The following ZBTB46 variants were observed in gnomAD, a reference collection of about 807,000 sequenced individuals.
The protein encoded by ZBTB46 is zinc finger and BTB domain-containing protein 46.
In ZBTB46, 8 loss-of-function variants were observed where a neutral mutation model predicts 44.1. The observed-to-expected ratio is 0.18, with a 90% confidence interval of 0.11 to 0.33. ZBTB46 has a LOEUF of 0.33. ZBTB46 is among the 10% of genes least tolerant of loss of function. ZBTB46 has a pLI of 1.00. For missense variants in ZBTB46, 651 were observed against 847.7 expected (o/e 0.77, Z 2.88); for synonymous variants, 409 against 382.3 (o/e 1.07, Z -0.81).
chr20:63,815,871 GGTCCA>G (rs2092750586), intron 1 of ZBTB46, among the ~76,000 whole-genome samples: 1 of 104,408 alleles, frequency 9.6e-6, no homozygotes, highest in Non-Finnish European at 1.9e-5. Context: ...GGTGGGCGCA[GGTCCA>G]GTGGGTGCAG....
At chr20:63,779,663 G>A (rs1218936764) in intron 2 of ZBTB46, among the ~76,000 whole-genome samples, 1 of 151,330 alleles carries the variant, frequency 6.6e-6, no homozygotes, top group Admixed American at 6.6e-5. Flanking sequence ...CTCGTGATTC[G>A]CCCCCCTCAG....
chr20:63,809,674 A>AAGGCC (rs1409674092), intron 1 of ZBTB46, among the ~76,000 whole-genome samples: 3 of 152,210 alleles, frequency 2.0e-5, no homozygotes, highest in Non-Finnish European at 4.4e-5. Context: ...AAAAGATTTC[A>AAGGCC]AGGCCAGGCC....
chr20:63,794,647 G>A (rs1286881153), intron 1 of ZBTB46, among the ~76,000 whole-genome samples: 4 of 152,186 alleles, frequency 2.6e-5, no homozygotes, highest in African/African-American at 7.2e-5. Context: ...TGCTCGTGGG[G>A]CCACGTCAAC....
At chr20:63,764,639 G>A (rs563553752) in intron 3 of ZBTB46, among the ~76,000 whole-genome samples, 254 of 143,234 alleles carry the variant, frequency 1.8e-3, no homozygotes, top group African/African-American at 6.2e-3. Flanking sequence ...TTTCGCTCTT[G>A]TTGCCCATGC....
At chr20:63,804,913 A>G (rs1465038212) in intron 1 of ZBTB46, among the ~76,000 whole-genome samples, 1 of 147,752 alleles carries the variant, frequency 6.8e-6, no homozygotes, top group African/African-American at 2.5e-5. Context: ...AACAAAAAAA[A>G]CCTACATGAC....
At chr20:63,818,821 G>A (rs1355487205) in intron 1 of ZBTB46, among the ~76,000 whole-genome samples, 1 of 146,936 alleles carries the variant, frequency 6.8e-6, no homozygotes, top group Non-Finnish European at 1.5e-5. Context: ...GCAGTGAGCC[G>A]AGATCGCGCC....
intron 3 of ZBTB46, among the ~76,000 whole-genome samples, chr20:63,766,837 GGGGAT>G (rs1180274059): frequency 6.6e-6 from 1 of 152,254 alleles, no homozygotes; most frequent in Non-Finnish European, 1.5e-5. Context: ...CGTCCGGAAA[GGGGAT>G]GGGCTGTTGG....
At chr20:63,766,673 C>T (rs575736044) in intron 3 of ZBTB46, among the ~76,000 whole-genome samples, 3 of 152,362 alleles carry the variant, frequency 2.0e-5, no homozygotes, top group Admixed American at 6.5e-5. Context: ...GCCAGCAGAG[C>T]GCGGTCACCT....
intron 1 of ZBTB46, among the ~76,000 whole-genome samples, chr20:63,821,183 C>CCT (rs1229375993): frequency 7.4e-6 from 1 of 134,972 alleles, no homozygotes; most frequent in African/African-American, 2.9e-5. Context: ...CTGCGCCCGG[C>CCT]CTTTTTTTTT....
At chr20:63,809,855 C>G (rs1220678999) in intron 1 of ZBTB46, among the ~76,000 whole-genome samples, 1 of 151,724 alleles carries the variant, frequency 6.6e-6, no homozygotes, top group African/African-American at 2.4e-5. Context: ...CCCCGCGACT[C>G]TGGAGGATGA....
At chr20:63,804,140 G>A (rs897242839) in intron 1 of ZBTB46, among the ~76,000 whole-genome samples, 1 of 151,870 alleles carries the variant, frequency 6.6e-6, no homozygotes, top group African/African-American at 2.4e-5. Flanking sequence ...TGAATGGAGG[G>A]GCTTCCACTC....
rs531541956 is a variant in ZBTB46, at chr20:63,768,451, C to T, written c.1222+7227G>A. Among the ~76,000 whole-genome samples, 105 of 152,158 alleles carry T rather than the reference C, an allele frequency of 6.9e-4. 1 individual carries two copies. The South Asian group carries it at 8.1e-3, about 12-fold the overall frequency. On this transcript the variant is annotated intron_variant, in intron 3 of 4. Transcript: ENST00000245663. ...ACTAAAAACACAAAAATTAGCCAGG[C>T]GTGGTGGTGTGCCCAACGGGATACC...
At chr20:63,783,417 G>C (rs1182985320) in intron 2 of ZBTB46, among the ~76,000 whole-genome samples, 1 of 152,230 alleles carries the variant, frequency 6.6e-6, no homozygotes, top group Non-Finnish European at 1.5e-5. Context: ...GACCGAGCGA[G>C]ACTCCGTCTC....
chr20:63,810,449 C>G (rs1458845196), intron 1 of ZBTB46, among the ~76,000 whole-genome samples: 1 of 152,158 alleles, frequency 6.6e-6, no homozygotes, highest in Non-Finnish European at 1.5e-5. Flanking sequence ...AACCCCCCTT[C>G]CCCTCGCAAA....
intron 1 of ZBTB46, among the ~76,000 whole-genome samples, chr20:63,827,596 C>A (rs1314206673): frequency 7.7e-6 from 1 of 129,930 alleles, no homozygotes; most frequent in African/African-American, 3.0e-5. Context: ...GCCTGGGCGA[C>A]AGAGCGAGAC....
rs974566276 is a variant in ZBTB46, at chr20:63,752,320, G to A, written c.1398+366C>T. Among the ~76,000 whole-genome samples the A allele has an allele frequency of 6.6e-6, 1 of 151,930 alleles. No homozygotes were observed. Among genetic ancestry groups the A allele is most frequent in the Non-Finnish European group, 1.5e-5 (1 of 67,988 alleles). ...TGGGCGCGGTGGGTGCAGACAGGTC[G>A]GCAGGCACAAGGACAGGGTTCTCCC... On this transcript the variant is annotated intron_variant, in intron 4 of 4. Transcript: ENST00000245663. The surrounding 1 kb of genome is among the most constrained non-coding windows in gnomAD (Gnocchi z 5.6).
intron 1 of ZBTB46, among the ~76,000 whole-genome samples, chr20:63,799,613 G>C (rs1158490932): frequency 1.3e-5 from 2 of 152,132 alleles, no homozygotes; most frequent in East Asian, 3.9e-4. Context: ...CTCCCAAAGT[G>C]CTGGGATTAC....
intron 1 of ZBTB46, among the ~76,000 whole-genome samples, chr20:63,808,551 C>T (rs940592801): frequency 3.3e-5 from 5 of 152,190 alleles, no homozygotes; most frequent in African/African-American, 1.2e-4. Context: ...TGACCTCCCG[C>T]CCCTAAGCGA....
intron 3 of ZBTB46, among the ~76,000 whole-genome samples, chr20:63,754,468 C>CT (rs1026071579): frequency 6.6e-6 from 1 of 152,020 alleles, no homozygotes; most frequent in East Asian, 1.9e-4. Context: ...TTTTTTTTCT[C>CT]TTTTTTTAAA....
Sources: allele counts gnomAD v4.1 joint callset (sites outside exome capture counted in the v4.1 genomes callset), GRCh38; gene constraint gnomAD v4.1.1; non-coding constraint Gnocchi (gnomAD v3.1); transcripts MANE v1.5; gene names NCBI Gene and HGNC (gene_info 2026-07-23, HGNC 2026-07-21).